Variants in ZDHHC15 observed in about 807,000 individuals in gnomAD.
ZDHHC15 encodes zDHHC palmitoyltransferase 15.
Under a neutral mutation model 31.7 loss-of-function variants are expected in ZDHHC15, and 19 were observed. The ratio of observed to expected loss-of-function variants is 0.60; its 90% CI spans 0.42 to 0.88. ZDHHC15 has a LOEUF of 0.88. ZDHHC15 is among the 40% of genes least tolerant of loss of function. The pLI, the probability that ZDHHC15 is intolerant of heterozygous loss-of-function variation, is 0.00. For missense variants in ZDHHC15, 209 were observed against 251.2 expected (o/e 0.83, Z 1.14); for synonymous variants, 103 against 90.0 (o/e 1.14, Z -0.82).
intron 2 of ZDHHC15, among the ~76,000 whole-genome samples, chrX:75,495,023 C>T (rs1286606485): frequency 9.0e-6 from 1 of 110,960 alleles, no homozygotes; most frequent in Non-Finnish European, 1.9e-5. Context: ...AAAAGTTTTG[C>T]AATATACTCA....
At chrX:75,461,410 A>G (rs905231367) in intron 3 of ZDHHC15, among the ~76,000 whole-genome samples, 1 of 111,743 alleles carries the variant, frequency 8.9e-6, no homozygotes, top group Non-Finnish European at 1.9e-5. Flanking sequence ...ACAGGCCAAC[A>G]TTCAAATTCA....
At chrX:75,471,222 C>A (rs1028922601) in intron 3 of ZDHHC15, among the ~76,000 whole-genome samples, 2 of 112,238 alleles carry the variant, frequency 1.8e-5, no homozygotes, top group African/African-American at 6.5e-5. Context: ...GCTGGCAAGG[C>A]CAGTAATATA....
At chrX:75,415,718 C>T (rs1248642953) in intron 10 of ZDHHC15, among the ~76,000 whole-genome samples, 3 of 112,373 alleles carry the variant, frequency 2.7e-5, no homozygotes, top group Non-Finnish European at 5.6e-5. Flanking sequence ...TAGGAAAGCA[C>T]TTTGTAAACT....
rs141777822 is a variant in ZDHHC15 at position 75,391,276 on chromosome X, T to C, written c.968-12078A>G. On this transcript the variant is annotated intron_variant, in intron 10 of 11. Transcript: ENST00000373367. Reference sequence around the variant, plus strand: ...AGAGTTACTGGCCTTAAAGAGGAGGTAGAGAGAAAGATAGGGGTAGAAAGT... The same window carrying C: ...AGAGTTACTGGCCTTAAAGAGGAGGCAGAGAGAAAGATAGGGGTAGAAAGT... Among the ~76,000 whole-genome samples the C allele has an allele frequency of 6.1e-3, 673 of 109,694 alleles. 5 individuals are homozygous for C. Among genetic ancestry groups the C allele is most frequent in the African/African-American group, 0.022 (651 of 30,187 alleles).
At chrX:75,400,333 A>T (rs923597738) in intron 10 of ZDHHC15, among the ~76,000 whole-genome samples, 2 of 112,053 alleles carry the variant, frequency 1.8e-5, no homozygotes, top group Non-Finnish European at 3.8e-5. Flanking sequence ...TTCACAATGC[A>T]ATCACAAATA....
chrX:75,389,584 G>T (rs1055587271), intron 10 of ZDHHC15, among the ~76,000 whole-genome samples: 2 of 110,277 alleles, frequency 1.8e-5, no homozygotes, highest in African/African-American at 3.3e-5. Flanking sequence ...GCTCATGGGT[G>T]ACATTACTAG....
chrX:75,395,821 A>G (rs2147785555), intron 10 of ZDHHC15, among the ~76,000 whole-genome samples: 1 of 112,224 alleles, frequency 8.9e-6, no homozygotes, highest in East Asian at 2.8e-4. Flanking sequence ...AGAGACACAT[A>G]GACCAATGGA....
chrX:75,489,738 G>A (rs964429591), intron 2 of ZDHHC15, among the ~76,000 whole-genome samples: 21 of 112,489 alleles, frequency 1.9e-4, no homozygotes, highest in Non-Finnish European at 3.0e-4. Flanking sequence ...AAAGCTGAAC[G>A]GAGAATGACT....
intron 10 of ZDHHC15, among the ~76,000 whole-genome samples, chrX:75,408,523 T>C (rs2083445878): frequency 8.9e-6 from 1 of 112,159 alleles, no homozygotes; most frequent in Admixed American, 9.5e-5. Flanking sequence ...TGAAAGCTGA[T>C]CCTCTAAGAT....
At chrX:75,463,928 T>C (rs1291221443) in intron 3 of ZDHHC15, among the ~76,000 whole-genome samples, 1 of 111,939 alleles carries the variant, frequency 8.9e-6, no homozygotes, top group Non-Finnish European at 1.9e-5. Context: ...AGCCATCCCA[T>C]TACTGGGTAT....
Position 75,458,762 on chromosome X carries a change from G to GT in ZDHHC15, c.259-7841dup, listed in dbSNP as rs762700039. On this transcript the variant is annotated intron_variant, in intron 3 of 11. Coordinates refer to ENST00000373367, the MANE Select transcript of ZDHHC15 (RefSeq NM_144969.3). Reference sequence around the variant, plus strand: ...CCAATGAACTGAACAAATTCATACTGTTTTTCCCAACCAAAGGTCAATAGG... The same window carrying GT: ...CCAATGAACTGAACAAATTCATACTGTTTTTTCCCAACCAAAGGTCAATAGG... Among the ~76,000 whole-genome samples the GT allele has an allele frequency of 5.2e-4, 57 of 109,684 alleles. 1 individual carries two copies. In the South Asian group the frequency reaches 0.02, roughly 38 times the overall value.
intron 1 of ZDHHC15, among the ~76,000 whole-genome samples, chrX:75,513,552 G>A (rs2043854513): frequency 9.0e-6 from 1 of 111,385 alleles, no homozygotes; most frequent in Non-Finnish European, 1.9e-5. Flanking sequence ...ATCAGTAGAG[G>A]CTGTGAGGAC....
chrX:75,377,680 A>C (rs1225518067), intron 11 of ZDHHC15, among the ~76,000 whole-genome samples: 1 of 110,574 alleles, frequency 9.0e-6, no homozygotes. Flanking sequence ...AATGGTCCTG[A>C]TAAGTATTGC....
intron 2 of ZDHHC15, among the ~76,000 whole-genome samples, chrX:75,484,189 T>C (rs1211153142): frequency 9.0e-6 from 1 of 111,688 alleles, no homozygotes; most frequent in Non-Finnish European, 1.9e-5. Context: ...TGGAACAGTC[T>C]ATTCTATTGT....
intron 1 of ZDHHC15, among the ~76,000 whole-genome samples, chrX:75,519,081 T>C (rs1037456241): frequency 1.4e-4 from 15 of 109,149 alleles, no homozygotes; most frequent in Admixed American, 6.0e-4. Context: ...TTAATGCTTA[T>C]GAGGTTTCTT....
chrX:75,489,408 T>G (rs2084833750), intron 2 of ZDHHC15, among the ~76,000 whole-genome samples: 1 of 111,542 alleles, frequency 9.0e-6, no homozygotes. Context: ...AGAGGAATGA[T>G]CAGGCAGCAA....
chrX:75,453,675 A>G (rs1406929289), intron 3 of ZDHHC15, among the ~76,000 whole-genome samples: 2 of 111,646 alleles, frequency 1.8e-5, no homozygotes, highest in African/African-American at 6.5e-5. Context: ...CAGCACATCA[A>G]AAAGCTATCC....
intron 4 of ZDHHC15, among the ~76,000 whole-genome samples, chrX:75,444,168 C>T (rs1360914380): frequency 1.3e-4 from 14 of 110,961 alleles, no homozygotes; most frequent in Non-Finnish European, 1.7e-4. Flanking sequence ...CACATGCACA[C>T]GTATGTTTAT....
intron 1 of ZDHHC15, among the ~76,000 whole-genome samples, chrX:75,517,782 GA>G (rs2085382278): frequency 9.1e-6 from 1 of 110,058 alleles, no homozygotes; most frequent in African/African-American, 3.3e-5. Context: ...TCTTATGCCA[GA>G]TATAAAAAAT....
Sources: gnomAD v4.1 joint callset for allele counts (sites outside exome capture counted in the v4.1 genomes callset) on GRCh38, gnomAD v4.1.1 for gene constraint, MANE v1.5 for transcripts, NCBI Gene and HGNC (gene_info 2026-07-23, HGNC 2026-07-21) for gene names.